Variants in LRP1B observed in about 807,000 individuals in gnomAD.
LRP1B encodes low-density lipoprotein receptor-related protein 1B.
In LRP1B, 217 loss-of-function variants were observed where a neutral mutation model predicts 556.6. The ratio of observed to expected loss-of-function variants is 0.39; its 90% CI spans 0.35 to 0.44. The LOEUF (loss-of-function observed/expected upper bound fraction) is 0.44. Ranked by LOEUF, LRP1B falls within the 20% of genes least tolerant of loss-of-function variation. The probability of loss-of-function intolerance (pLI) is 1.00; values close to 1 mark genes in which losing one functional copy is unlikely to be tolerated. For missense variants in LRP1B, 5,053 were observed against 5,620.8 expected (o/e 0.90, Z 3.23); for synonymous variants, 2,047 against 1,865.8 (o/e 1.10, Z -2.50).
At chr2:141,743,420 G>T (rs1231295282) in intron 2 of LRP1B, among the ~76,000 whole-genome samples, 2 of 150,234 alleles carry the variant, frequency 1.3e-5, no homozygotes, top group Non-Finnish European at 3.0e-5. Context: ...GTCTGCTTTT[G>T]GTATCAGGGT....
chr2:141,074,145 T>C (rs1699719338), intron 7 of LRP1B, among the ~76,000 whole-genome samples: 2 of 152,084 alleles, frequency 1.3e-5, no homozygotes, highest in African/African-American at 4.8e-5. Flanking sequence ...ACCTTGGACA[T>C]CCAGTGATGC....
intron 46 of LRP1B, among the ~76,000 whole-genome samples, chr2:140,536,204 T>C (rs1181403696): frequency 1.3e-5 from 2 of 150,702 alleles, no homozygotes; most frequent in East Asian, 2.0e-4. Flanking sequence ...TTTATTCACA[T>C]TCACGGAGTG....
rs576876969 is a variant in LRP1B at position 141,472,466 on chromosome 2, G to A, written c.343+7930C>T. Among the ~76,000 whole-genome samples the A allele has an allele frequency of 2.6e-4, 39 of 152,224 alleles. No homozygotes were observed. The South Asian group carries it at 7.5e-3, about 29-fold the overall frequency. The stretch of plus-strand genomic sequence containing the variant: ...GAGGCAGGAGAATCACTTGAACCCC[G>A]GAGGTGGAGGTTGCAATGAGCTGAA... On this transcript the variant is annotated intron_variant, in intron 3 of 90. Transcript: ENST00000389484.
intron 2 of LRP1B, among the ~76,000 whole-genome samples, chr2:141,699,085 G>A (rs1374844892): frequency 6.6e-6 from 1 of 151,800 alleles, no homozygotes; most frequent in Non-Finnish European, 1.5e-5. Flanking sequence ...CAGGAATTGG[G>A]AAGAGGTTTC....
chr2:140,536,463 G>T, intron 46 of LRP1B, 118 bp downstream of exon 46: 1 of 956,946 alleles, frequency 1.0e-6, no homozygotes, highest in South Asian at 1.6e-5. Context: ...TTAGATACAG[G>T]TTAATGAGAG....
At chr2:141,989,288 T>C (rs988625689) in intron 1 of LRP1B, among the ~76,000 whole-genome samples, 13 of 150,740 alleles carry the variant, frequency 8.6e-5, no homozygotes, top group African/African-American at 2.7e-4. Context: ...CTGTATGTTA[T>C]TCTCATTTTA....
intron 2 of LRP1B, among the ~76,000 whole-genome samples, chr2:141,546,944 T>C (rs545367812): frequency 6.6e-6 from 1 of 152,290 alleles, no homozygotes; most frequent in South Asian, 2.1e-4. Flanking sequence ...TTGTAGATCC[T>C]GCTTTCTTCT....
At chr2:140,931,144 A>G (rs1209223228) in intron 20 of LRP1B, among the ~76,000 whole-genome samples, 2 of 152,128 alleles carry the variant, frequency 1.3e-5, no homozygotes, top group African/African-American at 4.8e-5. Context: ...GATGCTGCCT[A>G]CCTAATGTAG....
intron 3 of LRP1B, among the ~76,000 whole-genome samples, chr2:141,270,396 T>TA (rs1264674180): frequency 6.6e-6 from 1 of 151,758 alleles, no homozygotes; most frequent in African/African-American, 2.4e-5. Context: ...AAATTAAAGA[T>TA]AAAATTATGA....
intron 79 of LRP1B, among the ~76,000 whole-genome samples, chr2:140,331,686 CATAT>C (rs10571873): frequency 0.098 from 13,959 of 143,016 alleles, 778 homozygotes; most frequent in African/African-American, 0.15. Flanking sequence ...TATATATATA[CATAT>C]ATATATATAT....
intron 1 of LRP1B, among the ~76,000 whole-genome samples, chr2:141,920,010 T>C (rs1700140763): frequency 6.6e-6 from 1 of 151,972 alleles, no homozygotes; most frequent in Non-Finnish European, 1.5e-5. Flanking sequence ...AACAAGCATT[T>C]CAAGAGCCTT....
intron 3 of LRP1B, among the ~76,000 whole-genome samples, chr2:141,443,200 A>G (rs1042054466): frequency 2.6e-5 from 4 of 151,882 alleles, no homozygotes; most frequent in Non-Finnish European, 5.9e-5. Flanking sequence ...GCTTTTTTTC[A>G]TATGTTTGTT....
At chr2:141,734,759 G>T (rs1289188524) in intron 2 of LRP1B, among the ~76,000 whole-genome samples, 1 of 151,984 alleles carries the variant, frequency 6.6e-6, no homozygotes, top group Non-Finnish European at 1.5e-5. Context: ...CAGGTGAATG[G>T]GCCTTAGAAT....
At chr2:140,996,942 G>A (rs767821902) in intron 15 of LRP1B, among the ~76,000 whole-genome samples, 47 of 151,922 alleles carry the variant, frequency 3.1e-4, no homozygotes, top group Non-Finnish European at 6.6e-4. Context: ...GGGTGTTTGA[G>A]CACAGCCAAA....
chr2:142,104,644 G>A (rs1706684112), intron 1 of LRP1B, among the ~76,000 whole-genome samples: 1 of 152,026 alleles, frequency 6.6e-6, no homozygotes, highest in East Asian at 1.9e-4. Flanking sequence ...GTTTGCATTG[G>A]AGCTTCTAAT....
At chr2:141,379,223 C>T (rs564958668) in intron 3 of LRP1B, among the ~76,000 whole-genome samples, 14 of 152,074 alleles carry the variant, frequency 9.2e-5, no homozygotes, top group Non-Finnish European at 1.9e-4. Flanking sequence ...TTTTAAAGTG[C>T]TAAAATTTAA....
At chr2:141,585,902 A>G (rs34825953) in intron 2 of LRP1B, among the ~76,000 whole-genome samples, 34,395 of 147,592 alleles carry the variant, frequency 0.23, 4,943 homozygotes, top group East Asian at 0.5. Flanking sequence ...TTTTTTTTTA[A>G]GACGAGGGTC....
intron 66 of LRP1B, among the ~76,000 whole-genome samples, chr2:140,431,933 G>A (rs1175707666): frequency 6.6e-6 from 1 of 151,854 alleles, no homozygotes; most frequent in Non-Finnish European, 1.5e-5. Context: ...AATTTTCGCT[G>A]TCCCATCATT....
intron 35 of LRP1B, among the ~76,000 whole-genome samples, chr2:140,718,199 A>G (rs1249689816): frequency 1.3e-5 from 2 of 151,922 alleles, no homozygotes; most frequent in Non-Finnish European, 2.9e-5. Context: ...TCAATGAAAT[A>G]TGCTTCTCCT....
Sources: allele counts gnomAD v4.1 joint callset (sites outside exome capture counted in the v4.1 genomes callset), GRCh38; gene constraint gnomAD v4.1.1; transcripts MANE v1.5; gene names NCBI Gene and HGNC (gene_info 2026-07-23, HGNC 2026-07-21).